The following GRIA1 variants were observed in gnomAD, a reference collection of about 807,000 sequenced individuals.
The protein encoded by GRIA1 is glutamate ionotropic receptor AMPA type subunit 1, also known as glutamate receptor 1.
GRIA1 carries 31 observed loss-of-function variants against 99.2 expected under a neutral mutation model. The observed-to-expected ratio is 0.31, with a 90% CI of 0.23 to 0.42. GRIA1 has a LOEUF of 0.42. Among genes scored for constraint, GRIA1 ranks in the 10% least tolerant of loss-of-function variants. The pLI, the probability that GRIA1 is intolerant of heterozygous loss-of-function variation, is 1.00. For missense variants in GRIA1, 782 were observed against 1,157.5 expected (o/e 0.68, Z 4.71); for synonymous variants, 438 against 432.4 (o/e 1.01, Z -0.16).
At chr5:153,591,979 G>A (rs1253135603) in intron 2 of GRIA1, among the ~76,000 whole-genome samples, 2 of 152,124 alleles carry the variant, frequency 1.3e-5, no homozygotes, top group African/African-American at 4.8e-5. Context: ...TGTGAGGAGG[G>A]AAAGCAAATG....
intron 14 of GRIA1, chr5:153,795,367 C>T (rs376739564): frequency 4.1e-5 from 27 of 651,694 alleles, no homozygotes; most frequent in African/African-American, 2.9e-4. Context: ...ATCACTTTGT[C>T]AGTGCATATG....
Position 153,650,469 on chromosome 5 carries a change from G to T in GRIA1, c.600G>T (p.Val200=). ...QDLEKKKERL[V]VVDCESERLN... is the part of the protein sequence containing the mutation. Reference sequence around the variant, plus strand: ...TGGAGAAGAAAAAGGAGCGGCTGGTGGTGGTGGACTGTGAATCAGAACGCC... The same window carrying T: ...TGGAGAAGAAAAAGGAGCGGCTGGTTGTGGTGGACTGTGAATCAGAACGCC... Residue 200 remains valine (V), a synonymous_variant, in exon 4 of 16, where the codon GTG becomes GTT. Coordinates refer to ENST00000285900, the MANE Select transcript of GRIA1 (RefSeq NM_000827.4). 6.2e-7 allele frequency: 1 copy of T among 1,613,966 alleles called. No individual in the cohort carries two copies. The highest frequency in any genetic ancestry group is 8.5e-7 in the Non-Finnish European group (1 of 1,179,926).
At chr5:153,602,684 G>A (rs141679267) in intron 2 of GRIA1, among the ~76,000 whole-genome samples, 1 of 152,242 alleles carries the variant, frequency 6.6e-6, no homozygotes, top group Non-Finnish European at 1.5e-5. Context: ...ATCGTTGCTA[G>A]CTAGTTGCCA....
intron 11 of GRIA1, among the ~76,000 whole-genome samples, chr5:153,724,169 A>G (rs1760316137): frequency 6.6e-6 from 1 of 152,142 alleles, no homozygotes. Context: ...ACTCCAACAG[A>G]CCTGCAGCTG....
chr5:153,766,466 C>A (rs746792495), intron 12 of GRIA1, among the ~76,000 whole-genome samples: 1 of 152,210 alleles, frequency 6.6e-6, no homozygotes, highest in Non-Finnish European at 1.5e-5. Context: ...CCTCAAAGTA[C>A]TTTTGCACCT....
intron 8 of GRIA1, among the ~76,000 whole-genome samples, chr5:153,697,137 G>A (rs1758169262): frequency 6.6e-6 from 1 of 152,148 alleles, no homozygotes; most frequent in South Asian, 2.1e-4. Context: ...CATCTCTCAT[G>A]ATCATAAGCC....
At chr5:153,562,356 G>C (rs901402834) in intron 2 of GRIA1, among the ~76,000 whole-genome samples, 2 of 152,226 alleles carry the variant, frequency 1.3e-5, no homozygotes, top group East Asian at 3.9e-4. Flanking sequence ...TGACAAGCCT[G>C]ACCCAACACA....
intron 10 of GRIA1, among the ~76,000 whole-genome samples, chr5:153,704,321 C>T (rs1758737117): frequency 6.6e-6 from 1 of 152,234 alleles, no homozygotes; most frequent in African/African-American, 2.4e-5. Context: ...GCATGTCTCT[C>T]ATCTCAGAAA....
rs201922902 is a variant in GRIA1 at position 153,714,156 on chromosome 5, A to T, written c.1823+8089A>T. Among the ~76,000 whole-genome samples the T allele has an allele frequency of 3.9e-5, 6 of 152,170 alleles. No homozygotes were observed. The East Asian group carries it at 9.7e-4, about 24-fold the overall frequency. ...GTGGTGAACGGCACATGCATGTGTC[A>T]GCTAGAGAGGATAGCTCCCCCTCGG... On this transcript the variant is annotated intron_variant, in intron 11 of 15. Transcript: ENST00000285900.
intron 2 of GRIA1, chr5:153,525,222 C>T (rs981020328): frequency 1.3e-5 from 2 of 152,240 alleles, no homozygotes; most frequent in African/African-American, 2.4e-5. Flanking sequence ...TTGCCCCTTT[C>T]CCTTCCTGGG....
chr5:153,638,877 A>ATCTC (rs1272047407), intron 2 of GRIA1, among the ~76,000 whole-genome samples: 4 of 152,198 alleles, frequency 2.6e-5, no homozygotes, highest in African/African-American at 7.2e-5. Flanking sequence ...TATGAAGGAG[A>ATCTC]TGGCATTTGA....
chr5:153,504,936 G>A (rs191836260), intron 2 of GRIA1, among the ~76,000 whole-genome samples: 5 of 152,272 alleles, frequency 3.3e-5, no homozygotes, highest in African/African-American at 1.2e-4. Context: ...AATCTTGGCT[G>A]CAAATCTGAT....
intron 2 of GRIA1, among the ~76,000 whole-genome samples, chr5:153,546,996 T>C (rs1445138205): frequency 6.6e-6 from 1 of 152,238 alleles, no homozygotes; most frequent in Non-Finnish European, 1.5e-5. Flanking sequence ...TTTGAATAAA[T>C]GCATCAGTAT....
intron 2 of GRIA1, among the ~76,000 whole-genome samples, chr5:153,631,248 T>A (rs2149435778): frequency 6.6e-6 from 1 of 152,328 alleles, no homozygotes; most frequent in East Asian, 1.9e-4. Flanking sequence ...TCTCTTTGGA[T>A]TCACCACATT....
rs1052470845 is a variant in GRIA1 at position 153,553,541 on chromosome 5, T to G, written c.220+59476T>G. On this transcript the variant is annotated intron_variant, in intron 2 of 15. Transcript: ENST00000285900. Reference sequence around the variant, plus strand: ...GGTCTTACATTACTTCTCCACTGATTCTTCCATTGGGATGGACTGTCCATA... The same window carrying G: ...GGTCTTACATTACTTCTCCACTGATGCTTCCATTGGGATGGACTGTCCATA... Among the ~76,000 whole-genome samples the G allele has an allele frequency of 7.9e-5, 12 of 152,152 alleles. 1 individual carries two copies. Among genetic ancestry groups the G allele is most frequent in the Admixed American group, 7.9e-4 (12 of 15,272 alleles).
At chr5:153,633,423 G>C (rs1270825610) in intron 2 of GRIA1, among the ~76,000 whole-genome samples, 2 of 152,156 alleles carry the variant, frequency 1.3e-5, no homozygotes, top group Non-Finnish European at 2.9e-5. Context: ...GTTGTTTCCT[G>C]CCATGTTTTG....
intron 2 of GRIA1, among the ~76,000 whole-genome samples, chr5:153,643,790 A>G (rs1003708888): frequency 2.6e-5 from 4 of 152,216 alleles, no homozygotes; most frequent in Admixed American, 6.5e-5. Flanking sequence ...ATGTTTGCAG[A>G]AGGGGAAAAT....
chr5:153,554,196 T>C (rs1760408731), intron 2 of GRIA1, among the ~76,000 whole-genome samples: 1 of 152,130 alleles, frequency 6.6e-6, no homozygotes, highest in African/African-American at 2.4e-5. Context: ...GTTATATGAG[T>C]GTACTGAGTA....
At chr5:153,489,889 C>T, upstream of GRIA1, 1 of 455,616 alleles carries the variant, frequency 2.2e-6, no homozygotes, top group South Asian at 1.6e-5. Context: ...ATGCTATAGA[C>T]TCCTGTGGAA....
Sources: allele counts gnomAD v4.1 joint callset (sites outside exome capture counted in the v4.1 genomes callset), GRCh38; gene constraint gnomAD v4.1.1; transcripts MANE v1.5; gene names NCBI Gene and HGNC (gene_info 2026-07-23, HGNC 2026-07-21).